Variants in DPP10 observed in about 807,000 individuals in gnomAD.
The protein encoded by DPP10 is inactive dipeptidyl peptidase 10.
A neutral mutation model predicts 120.9 loss-of-function variants in DPP10; 33 were observed. The observed-to-expected ratio is 0.27, with a 90% CI of 0.21 to 0.37. The LOEUF is 0.37. Ranked by LOEUF, DPP10 falls within the 10% of genes least tolerant of loss-of-function variation. The pLI, the probability that DPP10 is intolerant of heterozygous loss-of-function variation, is 1.00. For missense variants in DPP10, 816 were observed against 942.8 expected, an observed-to-expected ratio of 0.87 and a Z score of 1.76; for synonymous variants, 337 against 326.1, an observed-to-expected ratio of 1.03 and a Z score of -0.36.
chr2:115,245,853 A>AT (rs1176637577), intron 1 of DPP10, among the ~76,000 whole-genome samples: 1 of 152,154 alleles, frequency 6.6e-6, no homozygotes, highest in African/African-American at 2.4e-5. Context: ...ATATATCTTA[A>AT]TGAGACCAAC....
At chr2:115,308,112 T>C (rs1036187269) in intron 1 of DPP10, among the ~76,000 whole-genome samples, 2 of 152,130 alleles carry the variant, frequency 1.3e-5, no homozygotes, top group Non-Finnish European at 2.9e-5. Context: ...ATCTGCCGGG[T>C]TTATGGCACA....
intron 1 of DPP10, among the ~76,000 whole-genome samples, chr2:115,265,329 C>T (rs1359105936): frequency 1.3e-5 from 2 of 150,404 alleles, no homozygotes; most frequent in Admixed American, 1.3e-4. Context: ...CCTTTAATTT[C>T]ACTCAGTATC....
chr2:114,863,197 A>G (rs920374419), intron 1 of DPP10, among the ~76,000 whole-genome samples: 16 of 152,204 alleles, frequency 1.1e-4, no homozygotes, highest in Non-Finnish European at 2.9e-5. Flanking sequence ...CTTGATGGCT[A>G]ATAACTCTCA....
At chr2:114,548,950 C>T (rs1687643977) in intron 1 of DPP10, among the ~76,000 whole-genome samples, 1 of 152,136 alleles carries the variant, frequency 6.6e-6, no homozygotes, top group Non-Finnish European at 1.5e-5. Flanking sequence ...GATGTGTGGC[C>T]TTAAAAAAGG....
intron 5 of DPP10, among the ~76,000 whole-genome samples, chr2:115,603,146 G>GTGTA (rs1553459639): frequency 4.3e-5 from 4 of 92,388 alleles, no homozygotes; most frequent in African/African-American, 1.2e-4. Context: ...GTGTGTGTGT[G>GTGTA]TGTGTGTGTG....
At chr2:114,507,259 G>A (rs140348000) in intron 1 of DPP10, among the ~76,000 whole-genome samples, 2,084 of 151,974 alleles carry the variant, frequency 0.014, 43 homozygotes, top group African/African-American at 0.048. Context: ...GTGTTGTCCC[G>A]GCTGGCCTCA....
intron 1 of DPP10, among the ~76,000 whole-genome samples, chr2:114,725,688 C>A (rs1029381349): frequency 6.6e-6 from 1 of 152,132 alleles, no homozygotes. Context: ...AAAATAGTCC[C>A]CTAGAATAGA....
intron 1 of DPP10, among the ~76,000 whole-genome samples, chr2:115,002,563 A>G (rs1368890435): frequency 6.6e-6 from 1 of 152,110 alleles, no homozygotes; most frequent in Admixed American, 6.6e-5. Flanking sequence ...AAAATAAACT[A>G]TCAATAAACA....
intron 1 of DPP10, among the ~76,000 whole-genome samples, chr2:114,444,963 G>A (rs1361101878): frequency 6.6e-6 from 1 of 152,094 alleles, no homozygotes; most frequent in African/African-American, 2.4e-5. Flanking sequence ...TTCAAATTAT[G>A]TGCTCAATTA....
intron 1 of DPP10, among the ~76,000 whole-genome samples, chr2:115,277,962 G>T (rs1197792247): frequency 2.0e-5 from 3 of 152,164 alleles, no homozygotes; most frequent in Admixed American, 2.0e-4. Flanking sequence ...AATGTGGAAA[G>T]GCCTCAATTA....
chr2:115,373,380 A>G (rs550868396), intron 3 of DPP10, among the ~76,000 whole-genome samples: 38 of 152,240 alleles, frequency 2.5e-4, no homozygotes, highest in African/African-American at 7.5e-4. Context: ...CATTTATCTA[A>G]CCCTGTGTAG....
At chr2:115,443,776 G>A (rs540759624) in intron 3 of DPP10, among the ~76,000 whole-genome samples, 4 of 152,236 alleles carry the variant, frequency 2.6e-5, no homozygotes, top group Admixed American at 6.5e-5. Flanking sequence ...TCTAGGTGGT[G>A]CTCATTGCTC....
intron 1 of DPP10, among the ~76,000 whole-genome samples, chr2:114,999,917 A>G (rs559494916): frequency 6.6e-6 from 1 of 152,280 alleles, no homozygotes; most frequent in South Asian, 2.1e-4. Context: ...TTAGAACTAT[A>G]TATTATACTT....
chr2:114,510,178 G>A (rs983374784), intron 1 of DPP10, among the ~76,000 whole-genome samples: 1 of 152,216 alleles, frequency 6.6e-6, no homozygotes, highest in African/African-American at 2.4e-5. Flanking sequence ...TGCAGCATAA[G>A]TTTTAGTCAT....
chr2:115,305,433 G>A (rs757850734), intron 1 of DPP10, among the ~76,000 whole-genome samples: 2 of 151,974 alleles, frequency 1.3e-5, no homozygotes, highest in South Asian at 2.1e-4. Context: ...CTGACGTAAG[G>A]AATCTAAAAT....
At chr2:114,858,241 G>A (rs968249397) in intron 1 of DPP10, among the ~76,000 whole-genome samples, 4 of 152,092 alleles carry the variant, frequency 2.6e-5, no homozygotes, top group Admixed American at 6.5e-5. Flanking sequence ...CTGCCACCTC[G>A]GCCTCCCAAA....
intron 9 of DPP10, among the ~76,000 whole-genome samples, chr2:115,740,719 C>T (rs940705555): frequency 3.9e-5 from 6 of 152,078 alleles, no homozygotes; most frequent in Non-Finnish European, 8.8e-5. Context: ...GTTTTTTCCT[C>T]TGTATGCCAT....
intron 1 of DPP10, among the ~76,000 whole-genome samples, chr2:115,216,987 A>G (rs1201040265): frequency 6.6e-6 from 1 of 152,112 alleles, no homozygotes; most frequent in Non-Finnish European, 1.5e-5. Flanking sequence ...GATTAATTAC[A>G]GCACACACGT....
rs1384073454 is a variant in DPP10, at chr2:114,993,578, G to GTATATATATATA, written c.61-315660_61-315659insATATATATATAT. Among the ~76,000 whole-genome samples the GTATATATATATA allele has an allele frequency of 4.6e-3, 409 of 89,122 alleles. 4 individuals carry two copies. Among genetic ancestry groups the GTATATATATATA allele is most frequent in the African/African-American group, 0.01 (266 of 26,218 alleles). 58.5% of individuals were successfully genotyped at this position (89,122 alleles called of 152,430 possible). On this transcript the variant is annotated intron_variant, in intron 1 of 25. Coordinates refer to ENST00000410059, the MANE Select transcript of DPP10 (RefSeq NM_020868.6). ...GGATTCTTATTATGTGTGTGTGTGT[G>GTATATATATATA]TGTATATATATATATATATATATAT...
Sources: allele counts gnomAD v4.1 joint callset (sites outside exome capture counted in the v4.1 genomes callset), GRCh38; gene constraint gnomAD v4.1.1; transcripts MANE v1.5; gene names NCBI Gene and HGNC (gene_info 2026-07-23, HGNC 2026-07-21).